Variants in CFAP44 observed in about 807,000 individuals in gnomAD.
The protein encoded by CFAP44 is cilia- and flagella-associated protein 44.
In CFAP44, 134 loss-of-function variants were observed where a neutral mutation model predicts 216.2. That is an observed-to-expected ratio of 0.62 (90% CI 0.54 to 0.72). The LOEUF is 0.72. CFAP44 is among the 30% of genes least tolerant of loss of function. The pLI, the probability that CFAP44 is intolerant of heterozygous loss-of-function variation, is 0.00. For missense variants in CFAP44, 2,035 were observed against 2,182.1 expected, an observed-to-expected ratio of 0.93 and a Z score of 1.34; for synonymous variants, 700 against 727.6, an observed-to-expected ratio of 0.96 and a Z score of 0.61.
At chr3:113,435,573 A>T (rs1384179727) in intron 1 of CFAP44, among the ~76,000 whole-genome samples, 2 of 151,822 alleles carry the variant, frequency 1.3e-5, no homozygotes, top group African/African-American at 4.8e-5. Flanking sequence ...CTAAAAAAAA[A>T]TTTTAAATGG....
intron 22 of CFAP44, among the ~76,000 whole-genome samples, chr3:113,349,937 A>G (rs1412079840): frequency 1.3e-5 from 2 of 152,236 alleles, no homozygotes; most frequent in African/African-American, 4.8e-5. Flanking sequence ...TTTGTTACAG[A>G]TAGTAAGTAT....
At chr3:113,363,357 G>A (rs1415553711) in intron 20 of CFAP44, 50 bp from the exon 21 acceptor site, 1 of 1,574,472 alleles carries the variant, frequency 6.4e-7, no homozygotes, top group Non-Finnish European at 8.6e-7. Context: ...AGAAACAGCA[G>A]AGAAAGAGAA....
intron 6 of CFAP44, among the ~76,000 whole-genome samples, chr3:113,414,685 C>G (rs1165780401): frequency 6.6e-6 from 1 of 152,172 alleles, no homozygotes; most frequent in Non-Finnish European, 1.5e-5. Context: ...TATGTTGAAC[C>G]AGCCTTGCAT....
rs1453958978 is a variant in CFAP44 at position 113,363,277 on chromosome 3, A to C, written c.2802T>G (p.His934Gln). 1.2e-6 allele frequency: 2 copies of C among 1,611,372 alleles called. No homozygotes were observed. Among genetic ancestry groups the C allele is most frequent in the Non-Finnish European group, 1.7e-6 (2 of 1,179,354 alleles). Residue 934 changes from histidine to glutamine, a missense_variant, in exon 21 of 35, where the codon CAT becomes CAG. His to Gln is a conservative substitution (Grantham distance 24, BLOSUM62 0). Around this residue, in one of 3 missense-constraint regions of CFAP44, gnomAD observed 1,883 missense variants for 2,023.7 expected, o/e 0.93. Transcript: ENST00000393845. ...CTCCCACTTCTTTCATTAACTTGTC[A>C]TGTTCTCTTTTTCTCCTAGCATTCT... ...SIENARRKRE[H>Q]DKLMKEVGEI...
intron 15 of CFAP44, among the ~76,000 whole-genome samples, chr3:113,388,465 G>A (rs1259060931): frequency 6.6e-6 from 1 of 151,558 alleles, no homozygotes; most frequent in Non-Finnish European, 1.5e-5. Context: ...TAGATAAGAA[G>A]GAAGGAGAGA....
chr3:113,300,681 A>G (rs546818789), intron 32 of CFAP44, among the ~76,000 whole-genome samples: 52 of 152,170 alleles, frequency 3.4e-4, no homozygotes, highest in African/African-American at 1.2e-3. Flanking sequence ...CAAGAGAAAA[A>G]TGAACAAAAT....
At chr3:113,296,626 C>G in intron 33 of CFAP44, 99 bp downstream of exon 33, 1 of 1,388,310 alleles carries the variant, frequency 7.2e-7, no homozygotes, top group Non-Finnish European at 9.6e-7. Context: ...CGGACCAGCT[C>G]CAGCTACACA....
chr3:113,421,144 C>G (rs909664915), intron 4 of CFAP44, among the ~76,000 whole-genome samples: 13 of 151,960 alleles, frequency 8.6e-5, no homozygotes, highest in African/African-American at 3.1e-4. Context: ...TTAAAGAAAT[C>G]AACAAGAAAA....
chr3:113,350,238 G>T (rs1296588916), intron 22 of CFAP44, among the ~76,000 whole-genome samples: 1 of 151,758 alleles, frequency 6.6e-6, no homozygotes, highest in African/African-American at 2.4e-5. Flanking sequence ...AAGACAGGAA[G>T]TCAAAAAGAA....
chr3:113,420,969 TA>T (rs1432766836), intron 4 of CFAP44, among the ~76,000 whole-genome samples: 1 of 151,964 alleles, frequency 6.6e-6, no homozygotes, highest in African/African-American at 2.4e-5. Flanking sequence ...TGCTATAGAG[TA>T]AAATTGTACT....
Position 113,304,066 on chromosome 3 carries a change from C to G in CFAP44, c.4927G>C (p.Val1643Leu), listed in dbSNP as rs1386108941. 6.5e-7 allele frequency: 1 copy of G among 1,537,232 alleles called. No homozygotes were observed. The highest frequency in any genetic ancestry group is 8.7e-7 in the Non-Finnish European group (1 of 1,146,922). Residue 1643 changes from valine to leucine, a missense_variant, in exon 32 of 35, where the codon GTC (valine) becomes CTC (leucine). Coordinates refer to ENST00000393845, the MANE Select transcript of CFAP44 (RefSeq NM_001164496.2). ...CGTCTCAAGGCATGGTTAGAGAAGA[C>G]CAAAGTACCAGAAAGATCGCTAGGT... ...EIPSDLSGTL[V>L]FSNHALRRLQ... is the part of the protein sequence containing the mutation.
In CFAP44 at chr3:113,306,197, A is replaced by G; in HGVS notation, c.4758+4T>C. On this transcript the variant is annotated splice_donor_region_variant and intron_variant, in intron 30 of 34. Coordinates refer to ENST00000393845, the MANE Select transcript of CFAP44 (RefSeq NM_001164496.2). ...AGGATAAATAAGTAAACAGATCACC[A>G]TACTTTTTTTGACAATGTATCATAT... 2.6e-6 allele frequency: 4 copies of G among 1,535,384 alleles called. No individual in the cohort carries two copies. The highest frequency in any genetic ancestry group is 3.5e-6 in the Non-Finnish European group (4 of 1,146,286).
At chr3:113,415,695 A>C (rs774123882) in intron 6 of CFAP44, among the ~76,000 whole-genome samples, 1 of 152,114 alleles carries the variant, frequency 6.6e-6, no homozygotes, top group Non-Finnish European at 1.5e-5. Context: ...CTTAATCCTG[A>C]GTTCTAATTT....
intron 22 of CFAP44, among the ~76,000 whole-genome samples, chr3:113,350,443 G>A (rs978645368): frequency 6.6e-6 from 1 of 152,216 alleles, no homozygotes; most frequent in Non-Finnish European, 1.5e-5. Flanking sequence ...AGACAAAGAA[G>A]CCGAAGAGAA....
chr3:113,354,102 C>A (rs1034253138), intron 22 of CFAP44, among the ~76,000 whole-genome samples: 4 of 149,842 alleles, frequency 2.7e-5, no homozygotes, highest in African/African-American at 7.4e-5. Context: ...AAAAAAAAAT[C>A]TTTTTCCATG....
At position 113,379,494 on chromosome 3, in the gene CFAP44, C is replaced by G; in HGVS notation, c.2110G>C (p.Glu704Gln). Residue 704 changes from glutamate (E) to glutamine (Q), a missense_variant, in exon 17 of 35, where the codon GAA becomes CAA. Glu to Gln is a conservative substitution (Grantham distance 29). This residue lies in a region of CFAP44 where 1,883 missense variants were observed against 2,023.7 expected (regional missense o/e 0.93). Coordinates refer to ENST00000393845, the MANE Select transcript of CFAP44 (RefSeq NM_001164496.2). ...GCTGCTAGCTTGTTCCTCCTTTCTT[C>G]CCTTATTTTCTCCTTCAACTCCCTT... is the stretch of plus-strand genomic sequence containing the variant. The part of the protein sequence containing the change: ...RQRELKEKIR[E>Q]ERRNKLAAEM... 1 of 1,607,844 alleles carries G rather than the reference C, an allele frequency of 6.2e-7. No individual in the cohort carries two copies. Among genetic ancestry groups the G allele is most frequent in the Non-Finnish European group, 8.5e-7 (1 of 1,174,562 alleles).
chr3:113,361,682 T>G (rs1950542852), intron 21 of CFAP44, among the ~76,000 whole-genome samples: 1 of 151,804 alleles, frequency 6.6e-6, no homozygotes, highest in African/African-American at 2.4e-5. Flanking sequence ...TATTTTTTAG[T>G]GGAGACAGGG....
chr3:113,414,366 G>A lies in CFAP44; in HGVS notation c.673+2159C>T, dbSNP rs148175703. Among the ~76,000 whole-genome samples the A allele has an allele frequency of 8.4e-3, 1,286 of 152,222 alleles. 23 individuals are homozygous for A. The highest frequency in any genetic ancestry group is 0.029 in the African/African-American group (1,217 of 41,528). On this transcript the variant is annotated intron_variant, in intron 6 of 34. Coordinates refer to ENST00000393845, the MANE Select transcript of CFAP44 (RefSeq NM_001164496.2). ...TACGCTTCATTTCTTTCTCTTGCCT[G>A]ATTTCCCTGTCCAGAACTTCCAATA...
chr3:113,326,940 G>A (rs139513797), intron 27 of CFAP44, among the ~76,000 whole-genome samples: 251 of 152,164 alleles, frequency 1.6e-3, no homozygotes, highest in African/African-American at 5.5e-3. Context: ...ATATGTGGAT[G>A]TCAGCTAATA....
Sources: gnomAD v4.1 joint callset for allele counts (sites outside exome capture counted in the v4.1 genomes callset) on GRCh38, gnomAD v4.1.1 for gene constraint, gnomAD v4.1.1 regional missense constraint, MANE v1.5 for transcripts, NCBI Gene and HGNC (gene_info 2026-07-23, HGNC 2026-07-21) for gene names.